Variants in NREP observed in about 807,000 individuals in gnomAD.
NREP encodes the protein neuronal regeneration-related protein.
NREP carries 5 observed loss-of-function variants against 8.6 expected under a neutral mutation model. The ratio of observed to expected loss-of-function variants is 0.58; its 90% confidence interval spans 0.30 to 1.22. The LOEUF is 1.22. NREP is among the 50% of genes most tolerant of loss of function. The probability of loss-of-function intolerance (pLI) is 0.07; values close to 1 mark genes in which losing one functional copy is unlikely to be tolerated. For missense variants in NREP, 86 were observed against 82.5 expected, an observed-to-expected ratio of 1.04 and a Z score of -0.17; for synonymous variants, 27 against 28.0, an observed-to-expected ratio of 0.96 and a Z score of 0.11.
chr5:111,814,261 A>G (rs1281170979), intron 2 of NREP, among the ~76,000 whole-genome samples: 1 of 152,182 alleles, frequency 6.6e-6, no homozygotes, highest in East Asian at 1.9e-4. Flanking sequence ...ATATGCAAAG[A>G]GAGTTAAGTC....
Position 111,880,335 on chromosome 5 carries a change from A to G in NREP, c.135+94939T>C, listed in dbSNP as rs116509159. Among the ~76,000 whole-genome samples, 1,296 of 152,352 alleles carry G rather than the reference A, an allele frequency of 8.5e-3. 20 individuals carry two copies. The highest frequency in any genetic ancestry group is 0.03 in the African/African-American group (1,234 of 41,570). On this transcript the variant is annotated intron_variant, in intron 2 of 3. Transcript: ENST00000395634. ...ATATTCATTTTCCAGAGCTCTCATA[A>G]GAAATACCACAGACGAGGTGGCTTA...
intron 2 of NREP, among the ~76,000 whole-genome samples, chr5:111,819,401 C>A (rs1398668491): frequency 6.6e-6 from 1 of 152,172 alleles, no homozygotes; most frequent in African/African-American, 2.4e-5. Context: ...GGAATAAGAA[C>A]CCCTTCCCCT....
At chr5:111,892,184 A>G (rs1342700292) in intron 2 of NREP, among the ~76,000 whole-genome samples, 1 of 152,230 alleles carries the variant, frequency 6.6e-6, no homozygotes, top group East Asian at 1.9e-4. Context: ...TTAAGGGCAT[A>G]TGAATACATT....
intron 2 of NREP, among the ~76,000 whole-genome samples, chr5:111,945,561 GAAGAA>G (rs1311987802): frequency 2.0e-5 from 3 of 151,438 alleles, no homozygotes; most frequent in African/African-American, 7.3e-5. Context: ...AGAAGAAACA[GAAGAA>G]AAGAGGAAAG....
At chr5:111,847,209 C>A (rs954024353) in intron 2 of NREP, among the ~76,000 whole-genome samples, 9 of 151,650 alleles carry the variant, frequency 5.9e-5, no homozygotes, top group Non-Finnish European at 1.0e-4. Flanking sequence ...TCTGACAGTT[C>A]TAGAGACTGG....
intron 2 of NREP, among the ~76,000 whole-genome samples, chr5:111,857,722 C>A (rs574093832): frequency 6.6e-6 from 1 of 152,264 alleles, no homozygotes; most frequent in South Asian, 2.1e-4. Flanking sequence ...TTGTTCACTG[C>A]TAGATCCCTA....
At chr5:111,749,195 T>C (rs1750201439) in intron 2 of NREP, among the ~76,000 whole-genome samples, 1 of 152,094 alleles carries the variant, frequency 6.6e-6, no homozygotes, top group Non-Finnish European at 1.5e-5. Flanking sequence ...GAAATAAAAC[T>C]TTGGAAGTTC....
chr5:111,744,061 T>C (rs1749847970), intron 2 of NREP, among the ~76,000 whole-genome samples: 1 of 152,184 alleles, frequency 6.6e-6, no homozygotes, highest in Non-Finnish European at 1.5e-5. Context: ...AGTTAGTTGC[T>C]TTGAAGAGTC....
chr5:111,829,013 TA>T (rs1283735786), intron 2 of NREP, among the ~76,000 whole-genome samples: 1 of 151,798 alleles, frequency 6.6e-6, no homozygotes, highest in East Asian at 1.9e-4. Context: ...GAGCTGAAGC[TA>T]GTTGTTTTCC....
intron 2 of NREP, among the ~76,000 whole-genome samples, chr5:111,878,175 C>A (rs963671339): frequency 2.0e-5 from 3 of 152,190 alleles, no homozygotes; most frequent in African/African-American, 4.8e-5. Context: ...TGTTATTTAT[C>A]ATTTTCTGTT....
intron 2 of NREP, among the ~76,000 whole-genome samples, chr5:111,769,984 C>T (rs1270591091): frequency 2.0e-5 from 3 of 152,110 alleles, no homozygotes; most frequent in Middle Eastern, 3.2e-3. Flanking sequence ...AAGGTACTCA[C>T]GCATGAATCC....
At position 111,895,839 on chromosome 5, in the gene NREP, C is replaced by G. The variant is rs1267417823; in HGVS notation, c.135+79435G>C. On this transcript the variant is annotated intron_variant, in intron 2 of 3. Coordinates refer to the NREP transcript ENST00000395634. ...CATTTGAAACTCTGTAACTGAGAAC[C>G]ACAGGCTCATGTACGGCCTTAGAAG... Among the ~76,000 whole-genome samples, 7 of 152,220 alleles carry G rather than the reference C, an allele frequency of 4.6e-5. No homozygotes were observed. The East Asian group carries it at 9.7e-4, about 21-fold the overall frequency.
chr5:111,866,679 C>T (rs371243259), intron 2 of NREP, among the ~76,000 whole-genome samples: 3 of 151,848 alleles, frequency 2.0e-5, no homozygotes, highest in Admixed American at 6.6e-5. Context: ...CATGCTGCTA[C>T]AAAGACACAT....
chr5:111,785,438 C>G (rs995800179), intron 2 of NREP, among the ~76,000 whole-genome samples: 2 of 151,996 alleles, frequency 1.3e-5, no homozygotes, highest in East Asian at 3.9e-4. Context: ...GCCACCATGC[C>G]GGACTAATTT....
At chr5:111,812,385 G>C (rs1266408418) in intron 2 of NREP, among the ~76,000 whole-genome samples, 1 of 152,126 alleles carries the variant, frequency 6.6e-6, no homozygotes, top group East Asian at 1.9e-4. Context: ...CCTAAGCAAA[G>C]ATCATGAAGT....
chr5:111,745,262 G>T (rs556950332), intron 2 of NREP, among the ~76,000 whole-genome samples: 1 of 152,184 alleles, frequency 6.6e-6, no homozygotes, highest in African/African-American at 2.4e-5. Context: ...AACACTGAGG[G>T]AGAATAGTCA....
At chr5:111,896,288 C>T (rs1302091130) in intron 2 of NREP, among the ~76,000 whole-genome samples, 2 of 152,038 alleles carry the variant, frequency 1.3e-5, no homozygotes, top group African/African-American at 4.8e-5. Context: ...GGGATTATAA[C>T]GAAGTTTTGG....
chr5:111,794,900 G>T (rs1344468105), intron 2 of NREP, among the ~76,000 whole-genome samples: 2 of 151,618 alleles, frequency 1.3e-5, no homozygotes, highest in African/African-American at 4.9e-5. Flanking sequence ...GGTTGTTTTG[G>T]GTCACAGAGG....
At chr5:111,924,009 C>T (rs1232296407) in intron 2 of NREP, among the ~76,000 whole-genome samples, 2 of 152,088 alleles carry the variant, frequency 1.3e-5, no homozygotes, top group South Asian at 2.1e-4. Context: ...GTATCCATAG[C>T]CTGCAAAATC....
Sources: allele counts gnomAD v4.1 joint callset (sites outside exome capture counted in the v4.1 genomes callset), GRCh38; gene constraint gnomAD v4.1.1; transcripts MANE v1.5; gene names NCBI Gene and HGNC (gene_info 2026-07-23, HGNC 2026-07-21).